ITPR2: variants seen among roughly 807,000 people sequenced by gnomAD.
ITPR2 encodes the protein inositol 1,4,5-trisphosphate receptor type 2.
Under a neutral mutation model 317.1 loss-of-function variants are expected in ITPR2, and 207 were observed. That is an observed-to-expected ratio of 0.65 (90% CI 0.58 to 0.73). ITPR2 has a LOEUF of 0.73. ITPR2 is among the 30% of genes least tolerant of loss of function. The pLI is 0.00. For missense variants in ITPR2, 2,613 were observed against 3,284.0 expected, an observed-to-expected ratio of 0.80 and a Z score of 4.99; for synonymous variants, 1,156 against 1,149.1, an observed-to-expected ratio of 1.01 and a Z score of -0.12.
intron 1 of ITPR2, among the ~76,000 whole-genome samples, chr12:26,810,705 T>C (rs970860614): frequency 1.3e-5 from 2 of 152,240 alleles, no homozygotes; most frequent in Non-Finnish European, 2.9e-5. Context: ...AATGTTACAT[T>C]CCTTTCATGT....
chr12:26,681,506 T>G (rs1948029608), intron 13 of ITPR2, among the ~76,000 whole-genome samples: 2 of 152,084 alleles, frequency 1.3e-5, no homozygotes, highest in Non-Finnish European at 2.9e-5. Context: ...CTTGAATAAA[T>G]AAGATCAGAG....
chr12:26,419,507 A>C (rs1236938750), intron 49 of ITPR2: 1 of 229,290 alleles, frequency 4.4e-6, no homozygotes, highest in Non-Finnish European at 8.6e-6. Flanking sequence ...GAGACTATGC[A>C]ATCAAGACAG....
At position 26,767,231 on chromosome 12, in the gene ITPR2, G is replaced by C. The variant is rs1399355590; in HGVS notation, c.163+22926C>G. On this transcript the variant is annotated intron_variant, in intron 2 of 56. Transcript: ENST00000381340. ...GCAGTTCAAATTAAAGCAACTTCTT[G>C]TACTTGTGTCTTTCCTCTAGTGTAG... Among the ~76,000 whole-genome samples, 2 of 152,132 alleles carry C rather than the reference G, an allele frequency of 1.3e-5. 1 individual carries two copies. The highest frequency in any genetic ancestry group is 1.3e-4 in the Admixed American group (2 of 15,274).
intron 55 of ITPR2, among the ~76,000 whole-genome samples, chr12:26,348,172 T>C (rs1938366114): frequency 6.6e-6 from 1 of 152,248 alleles, no homozygotes; most frequent in Non-Finnish European, 1.5e-5. Flanking sequence ...TTGCACTTTT[T>C]GTCTGAAGAC....
chr12:26,500,841 A>G (rs1288025509), intron 37 of ITPR2, among the ~76,000 whole-genome samples: 2 of 152,214 alleles, frequency 1.3e-5, no homozygotes, highest in East Asian at 3.8e-4. Flanking sequence ...ATTTTTGAGA[A>G]AGCACAACTC....
At chr12:26,734,579 C>T (rs1414139058) in intron 2 of ITPR2, among the ~76,000 whole-genome samples, 4 of 151,760 alleles carry the variant, frequency 2.6e-5, no homozygotes, top group Admixed American at 2.0e-4. Flanking sequence ...GGTAAGCTTG[C>T]CTTTTTAAAC....
chr12:26,361,026 C>T (rs1938811918), intron 55 of ITPR2, among the ~76,000 whole-genome samples: 1 of 151,926 alleles, frequency 6.6e-6, no homozygotes, highest in South Asian at 2.1e-4. Flanking sequence ...CCAGCCTGGC[C>T]AACATAGTGA....
At chr12:26,712,431 T>G (rs1229048474) in intron 8 of ITPR2, among the ~76,000 whole-genome samples, 1 of 152,166 alleles carries the variant, frequency 6.6e-6, no homozygotes, top group Admixed American at 6.5e-5. Flanking sequence ...ATGAAAATAC[T>G]TCAAAGTCCT....
intron 41 of ITPR2, 41 bp downstream of exon 41, chr12:26,486,063 T>A (rs1255660877): frequency 2.5e-6 from 4 of 1,601,934 alleles, no homozygotes; most frequent in Non-Finnish European, 3.4e-6. Flanking sequence ...CTGATAAACA[T>A]AGGTTGTATT....
intron 13 of ITPR2, among the ~76,000 whole-genome samples, chr12:26,673,402 C>A (rs1289685037): frequency 5.3e-5 from 8 of 151,852 alleles, no homozygotes; most frequent in South Asian, 2.1e-4. Context: ...ACGCAAATCA[C>A]TAAATGTAAT....
intron 55 of ITPR2, among the ~76,000 whole-genome samples, chr12:26,370,355 C>T (rs1939147793): frequency 1.3e-5 from 2 of 152,066 alleles, no homozygotes; most frequent in African/African-American, 4.8e-5. Flanking sequence ...CAGTTGGTGT[C>T]AGGATAGCAT....
Position 26,599,189 on chromosome 12 carries a change from C to A in ITPR2, c.3958G>T (p.Asp1320Tyr). The change falls in exon 30 of 57, where the codon GAT becomes TAT. Residue 1320 changes from aspartate to tyrosine, a missense_variant. This residue lies in a region of ITPR2 where 817 missense variants were observed against 897.6 expected (regional missense o/e 0.91). Transcript: ENST00000381340. ...TGGCATTTCTTCACATATTTACCAT[C>A]TGCTTTTACAATTGTTTGCAAAAAC... ...LRFLQTIVKA[D>Y]GKYVKKCQDM... 6.2e-7 allele frequency: 1 copy of A among 1,614,104 alleles called. No homozygotes were observed. The highest frequency in any genetic ancestry group is 8.5e-7 in the Non-Finnish European group (1 of 1,179,964).
At chr12:26,607,798 C>T (rs768683756) in intron 26 of ITPR2, among the ~76,000 whole-genome samples, 11 of 152,060 alleles carry the variant, frequency 7.2e-5, no homozygotes, top group African/African-American at 1.2e-4. Flanking sequence ...AAAATAATGG[C>T]GGCCGGGCGC....
At chr12:26,505,687 T>C (rs774605946) in intron 37 of ITPR2, among the ~76,000 whole-genome samples, 10 of 152,162 alleles carry the variant, frequency 6.6e-5, no homozygotes. Flanking sequence ...ACAGGAACTA[T>C]ACCTTTCTTT....
At chr12:26,661,293 A>AG (rs1947496300) in intron 15 of ITPR2, among the ~76,000 whole-genome samples, 6 of 8,234 alleles carry the variant, frequency 7.3e-4, no homozygotes, top group Admixed American at 1.5e-3. Flanking sequence ...GGGGGGTGGG[A>AG]GGGAACGGGC....
At chr12:26,419,286 A>G (rs1940817445) in intron 49 of ITPR2, 73 bp from the exon 50 acceptor site, 1 of 1,353,254 alleles carries the variant, frequency 7.4e-7, no homozygotes, top group Admixed American at 2.0e-5. Flanking sequence ...ACTACTATTC[A>G]TAGTCCATGA....
intron 55 of ITPR2, among the ~76,000 whole-genome samples, chr12:26,379,024 T>G (rs147675659): frequency 0.02 from 3,111 of 152,306 alleles, 56 homozygotes; most frequent in Non-Finnish European, 0.035. Flanking sequence ...TGGCCTTGCT[T>G]GTTCCCAAAG....
At chr12:26,467,988 G>T (rs1942209125) in intron 45 of ITPR2, among the ~76,000 whole-genome samples, 1 of 152,088 alleles carries the variant, frequency 6.6e-6, no homozygotes, top group Admixed American at 6.5e-5. Context: ...AGATTTTGTA[G>T]ATCCACTACT....
intron 9 of ITPR2, 67 bp downstream of exon 9, chr12:26,711,106 G>T: frequency 9.5e-7 from 1 of 1,050,410 alleles, no homozygotes; most frequent in Non-Finnish European, 1.5e-6. Context: ...GTCTTGTGGC[G>T]AACCCAACTG....
Sources: allele counts gnomAD v4.1 joint callset (sites outside exome capture counted in the v4.1 genomes callset), GRCh38; gene constraint gnomAD v4.1.1; regional missense constraint gnomAD v4.1.1; transcripts MANE v1.5; gene names NCBI Gene and HGNC (gene_info 2026-07-23, HGNC 2026-07-21).